BACE1: variants seen among roughly 807,000 people sequenced by gnomAD.
BACE1 encodes beta-secretase 1, also known as APP beta-secretase.
A neutral mutation model predicts 54.0 loss-of-function variants in BACE1; 21 were observed. That is an observed-to-expected ratio of 0.39 (90% CI 0.28 to 0.56). The LOEUF (loss-of-function observed/expected upper bound fraction) is 0.56, where lower values mean the gene tolerates loss of function less well. Among genes scored for constraint, BACE1 ranks in the 20% least tolerant of loss-of-function variants. The pLI is 0.63. For missense variants in BACE1, 511 were observed against 661.2 expected, an observed-to-expected ratio of 0.77 and a Z score of 2.49; for synonymous variants, 232 against 260.9, an observed-to-expected ratio of 0.89 and a Z score of 1.07.
chr11:117,312,873 T>C (rs1363493036), intron 1 of BACE1, among the ~76,000 whole-genome samples: 1 of 152,182 alleles, frequency 6.6e-6, no homozygotes. Context: ...CTGACTCCAA[T>C]GAGGGTTTGC....
chr11:117,295,647 G>C (rs2034580654), intron 2 of BACE1: 9 of 1,527,160 alleles, frequency 5.9e-6, no homozygotes, highest in Non-Finnish European at 6.1e-6. Flanking sequence ...GCCTGCTGCT[G>C]CTGCTGCTGC....
intron 1 of BACE1, among the ~76,000 whole-genome samples, chr11:117,305,915 A>G (rs2034823835): frequency 6.6e-6 from 1 of 152,136 alleles, no homozygotes; most frequent in Admixed American, 6.6e-5. Flanking sequence ...AGGCGCCTGT[A>G]GTCCCAGCTA....
In BACE1 at chr11:117,293,199, A is replaced by G; in HGVS notation, c.706-11T>C. On this transcript the variant is annotated splice_polypyrimidine_tract_variant and intron_variant, in intron 4 of 8. Coordinates refer to ENST00000313005, the MANE Select transcript of BACE1 (RefSeq NM_012104.6). This position sits in a 1 kb window ranked among gnomAD's most constrained non-coding sequence, Gnocchi z 4.1. ...GATACCTCCAATGATCTAGGGAAAAAAAGAGGCAGGTACCCGTGTCCTGGC... is the reference window on the plus strand; with the variant it reads ...GATACCTCCAATGATCTAGGGAAAAGAAGAGGCAGGTACCCGTGTCCTGGC... 6.2e-7 allele frequency: 1 copy of G among 1,612,964 alleles called. No homozygotes were observed. Among genetic ancestry groups the G allele is most frequent in the Non-Finnish European group, 8.5e-7 (1 of 1,179,622 alleles).
At chr11:117,295,664 A>G (rs1342639420) in intron 2 of BACE1, 2 of 1,523,080 alleles carry the variant, frequency 1.3e-6, no homozygotes, top group African/African-American at 2.7e-5. Flanking sequence ...CTGCAGGGAC[A>G]GCTAGTGGGC....
In BACE1 at chr11:117,286,423, T is replaced by C. The variant is rs1409964965; in HGVS notation, c.*3143A>G. 1.3e-5 allele frequency: 2 copies of C among 152,232 alleles called. No homozygotes were observed. Among genetic ancestry groups the C allele is most frequent in the African/African-American group, 4.8e-5 (2 of 41,454 alleles). 9.4% of individuals were successfully genotyped at this position (152,232 alleles called of 1,614,324 possible). ...CCTACAGGGAATGGCCTCAGCTCCCTTCTCTTTTAGAATTAAACAAGTAAA... is the reference window on the plus strand; with the variant it reads ...CCTACAGGGAATGGCCTCAGCTCCCCTCTCTTTTAGAATTAAACAAGTAAA... On this transcript the variant is annotated 3_prime_UTR_variant, in exon 9 of 9. Transcript: ENST00000313005.
chr11:117,308,542 G>A (rs1196912274), intron 1 of BACE1, among the ~76,000 whole-genome samples: 1 of 152,056 alleles, frequency 6.6e-6, no homozygotes, highest in East Asian at 1.9e-4. Context: ...GAATCACTTT[G>A]GACAAGACAC....
intron 6 of BACE1, among the ~76,000 whole-genome samples, chr11:117,291,338 G>A (rs201606141): frequency 1.1e-4 from 17 of 151,418 alleles, no homozygotes; most frequent in South Asian, 4.2e-4. Context: ...GTGCAGTGGC[G>A]CAATCATGGC....
rs2034272425 is a variant in BACE1 at position 117,286,748 on chromosome 11, C to T, written c.*2818G>A. On this transcript the variant is annotated 3_prime_UTR_variant, in exon 9 of 9. Transcript: ENST00000313005. ...AGCGTCAGTTTAAGGAGCTGGACTT[C>T]CTGGGACCTCCTTGGCATCTTGTAG... 1 of 152,640 alleles carries T rather than the reference C, an allele frequency of 6.6e-6. No individual in the cohort carries two copies. Among genetic ancestry groups the T allele is most frequent in the African/African-American group, 2.4e-5 (1 of 41,444 alleles). 9.5% of individuals were successfully genotyped at this position (152,640 alleles called of 1,614,324 possible).
intron 1 of BACE1, among the ~76,000 whole-genome samples, chr11:117,302,256 C>T (rs1258285010): frequency 6.6e-6 from 1 of 152,160 alleles, no homozygotes; most frequent in Non-Finnish European, 1.5e-5. Context: ...TCGTTTGAAC[C>T]TGGAAGGTGG....
At chr11:117,298,341 G>A (rs988369418) in intron 1 of BACE1, among the ~76,000 whole-genome samples, 2 of 152,060 alleles carry the variant, frequency 1.3e-5, no homozygotes, top group African/African-American at 4.8e-5. Context: ...GTCTGCTTCA[G>A]TCTATGGAGT....
At chr11:117,302,944 C>T (rs576559101) in intron 1 of BACE1, among the ~76,000 whole-genome samples, 6 of 152,210 alleles carry the variant, frequency 3.9e-5, no homozygotes, top group Non-Finnish European at 7.3e-5. Flanking sequence ...TGAATCTCAC[C>T]TCCCCTCATA....
intron 2 of BACE1, 119 bp downstream of exon 2, chr11:117,296,754 C>T (rs2134462600): frequency 1.2e-6 from 1 of 810,224 alleles, no homozygotes; most frequent in Admixed American, 2.7e-5. Context: ...CGCCCTTCCC[C>T]TTCCCTGGCA....
chr11:117,289,543 C>CT lies in BACE1; in HGVS notation c.*22dup, dbSNP rs766544710. 2.2e-5 allele frequency: 35 copies of CT among 1,612,498 alleles called. No homozygotes were observed. The Middle Eastern group carries it at 5.1e-4, about 24-fold the overall frequency. On this transcript the variant is annotated 3_prime_UTR_variant, in exon 9 of 9. Coordinates refer to ENST00000313005, the MANE Select transcript of BACE1 (RefSeq NM_012104.6). ...ACGGAGGTGTGGTCCAGGGGAATCT[C>CT]TATCTTCTGCCCATGGGCCTCCTCA...
chr11:117,301,781 A>G (rs1437896692), intron 1 of BACE1, among the ~76,000 whole-genome samples: 11 of 152,074 alleles, frequency 7.2e-5, no homozygotes, highest in African/African-American at 2.7e-4. Flanking sequence ...TCACCTCTCT[A>G]TCCAGTGCAT....
At chr11:117,291,841 A>C in intron 5 of BACE1, 28 bp from the exon 6 acceptor site, 1 of 1,563,194 alleles carries the variant, frequency 6.4e-7, no homozygotes, top group East Asian at 2.3e-5. Context: ...GAGTTAAAAG[A>C]GTCAAAAGGT....
chr11:117,291,036 G>A lies in BACE1; in HGVS notation c.956C>T (p.Pro319Leu), dbSNP rs781753207. Residue 319 changes from proline (P) to leucine (L), a missense_variant, in exon 7 of 9, where the codon CCT (proline) becomes CTT (leucine). By Grantham distance (98) the Pro-to-Leu change is moderately conservative. Around this residue, in one of 2 missense-constraint regions of BACE1, gnomAD observed 407 missense variants for 565.7 expected, o/e 0.72. Coordinates refer to ENST00000313005, the MANE Select transcript of BACE1 (RefSeq NM_012104.6). ...IKAASSTEKF[P>L]DGFWLGEQLV... ...CTGCTCTCCTAGCCAGAAACCATCA[G>A]GGAACTTCTCCGTCTGTGTTGGCAA... 13 of 1,614,136 alleles carry A rather than the reference G, an allele frequency of 8.1e-6. No homozygotes were observed. Among genetic ancestry groups the A allele is most frequent in the Non-Finnish European group, 2.5e-6 (3 of 1,180,030 alleles).
intron 5 of BACE1, 36 bp from the exon 6 acceptor site, chr11:117,291,849 G>A (rs773929696): frequency 1.6e-5 from 25 of 1,522,554 alleles, no homozygotes; most frequent in South Asian, 2.2e-5. Context: ...AGAGTCAAAA[G>A]GTTTTTGATG....
intron 1 of BACE1, among the ~76,000 whole-genome samples, chr11:117,310,278 CA>C (rs1187641132): frequency 6.6e-6 from 1 of 152,032 alleles, no homozygotes; most frequent in African/African-American, 2.4e-5. Context: ...TGCCTGTCAA[CA>C]GTTCTGTTTA....
intron 3 of BACE1, chr11:117,294,212 C>A: frequency 3.4e-5 from 13 of 385,690 alleles, no homozygotes; most frequent in East Asian, 8.8e-5. Context: ...TTCACAGATT[C>A]ATAGATCTTT....
Sources: allele counts gnomAD v4.1 joint callset (sites outside exome capture counted in the v4.1 genomes callset), GRCh38; gene constraint gnomAD v4.1.1; regional missense constraint gnomAD v4.1.1; non-coding constraint Gnocchi (gnomAD v3.1); transcripts MANE v1.5; gene names NCBI Gene and HGNC (gene_info 2026-07-23, HGNC 2026-07-21).